The following PGBD2 variants were observed in gnomAD, a reference collection of about 807,000 sequenced individuals.
PGBD2 encodes piggyBac transposable element derived 2.
Under a neutral mutation model 8.1 loss-of-function variants are expected in PGBD2, and 6 were observed. The observed-to-expected ratio is 0.74, with a 90% CI of 0.40 to 1.46. The LOEUF (loss-of-function observed/expected upper bound fraction) is 1.46, where lower values mean the gene tolerates loss of function less well. Among genes scored for constraint, PGBD2 ranks in the 40% most tolerant of loss-of-function variants. The pLI, the probability that PGBD2 is intolerant of heterozygous loss-of-function variation, is 0.02. For missense variants in PGBD2, 802 were observed against 739.0 expected (o/e 1.09, Z -0.99); for synonymous variants, 318 against 272.2 (o/e 1.17, Z -1.66).
intron 2 of PGBD2, chr1:248,914,426 C>A: frequency 8.0e-7 from 1 of 1,251,300 alleles, no homozygotes; most frequent in South Asian, 1.3e-5. Flanking sequence ...GTCTCTTTTT[C>A]TGGCCCATGC....
chr1:248,878,245 T>G, the PGBD2 span, among the ~76,000 whole-genome samples: 1 of 151,738 alleles, frequency 6.6e-6, no homozygotes, highest in African/African-American at 2.4e-5. Context: ...AGGGGCGCAA[T>G]CTCGGCTCAC....
In PGBD2 at chr1:248,918,760, T is replaced by G. The variant is rs1468218234; in HGVS notation, c.*397T>G. 2 of 167,116 alleles carry G rather than the reference T, an allele frequency of 1.2e-5. No individual in the cohort carries two copies. The highest frequency in any genetic ancestry group is 4.8e-5 in the African/African-American group (2 of 41,460). The allele number at this position is 167,116 out of a possible 1,614,324, so 10.4% of individuals were successfully genotyped here. On this transcript the variant is annotated 3_prime_UTR_variant, in exon 3 of 3. Coordinates refer to ENST00000329291, the MANE Select transcript of PGBD2 (RefSeq NM_170725.3). Reference sequence around the variant, plus strand: ...GATAGGCAATAGTGTATAAATATCATGTAAATGTGATGGATTTCTTAATCA... The same window carrying G: ...GATAGGCAATAGTGTATAAATATCAGGTAAATGTGATGGATTTCTTAATCA...
intron 1 of PGBD2, among the ~76,000 whole-genome samples, chr1:248,908,825 C>T (rs1661759092): frequency 6.6e-6 from 1 of 152,048 alleles, no homozygotes; most frequent in Admixed American, 6.6e-5. Flanking sequence ...TTTGCTTCTC[C>T]TGTGCTGTGC....
At chr1:248,913,054 G>T (rs920289288) in intron 1 of PGBD2, among the ~76,000 whole-genome samples, 1 of 151,938 alleles carries the variant, frequency 6.6e-6, no homozygotes, top group Admixed American at 6.6e-5. Context: ...TGCCCGCCTC[G>T]GCCTCCCAAA....
At position 248,917,327 on chromosome 1, in the gene PGBD2, T is replaced by C; in HGVS notation, c.743T>C (p.Leu248Pro). ...GATAGGTTTGCCAAGGTCAGACCTC[T>C]CATCATCCGGATGAACTGCAATTTC... ...ASDRFAKVRPLIIRMNCNFQK... is the reference protein window; with the variant it reads ...ASDRFAKVRPPIIRMNCNFQK... The change falls in exon 3 of 3, where the codon CTC becomes CCC. Residue 248 changes from leucine (L) to proline (P), a missense_variant. By Grantham distance (98) the Leu-to-Pro change is moderately conservative (BLOSUM62 -3). Coordinates refer to ENST00000329291, the MANE Select transcript of PGBD2 (RefSeq NM_170725.3). 3.1e-6 allele frequency: 5 copies of C among 1,614,196 alleles called. No individual in the cohort carries two copies. Among genetic ancestry groups the C allele is most frequent in the Non-Finnish European group, 4.2e-6 (5 of 1,180,030 alleles).
At chr1:248,894,158 G>C in the PGBD2 span, among the ~76,000 whole-genome samples, 2 of 152,110 alleles carry the variant, frequency 1.3e-5, no homozygotes, top group Non-Finnish European at 2.9e-5. Context: ...CCCATCATCA[G>C]ATATGTTCTT....
chr1:248,890,208 G>GA, the PGBD2 span, among the ~76,000 whole-genome samples: 1 of 152,098 alleles, frequency 6.6e-6, no homozygotes, highest in Non-Finnish European at 1.5e-5. Flanking sequence ...TTACAGGCGT[G>GA]AGTCTCTGCA....
chr1:248,874,110 G>A, the PGBD2 span, among the ~76,000 whole-genome samples: 1 of 152,190 alleles, frequency 6.6e-6, no homozygotes. Context: ...CAGCAAGGGG[G>A]CTACCTACCA....
intron 1 of PGBD2, among the ~76,000 whole-genome samples, chr1:248,908,966 G>A (rs1334476548): frequency 6.6e-6 from 1 of 152,074 alleles, no homozygotes; most frequent in Non-Finnish European, 1.5e-5. Context: ...CGTTTTACGG[G>A]TTTTGATAAA....
upstream of PGBD2, among the ~76,000 whole-genome samples, chr1:248,903,686 T>C (rs1453728087): frequency 6.6e-6 from 1 of 152,254 alleles, no homozygotes; most frequent in Non-Finnish European, 1.5e-5. Flanking sequence ...ATTTGGCATC[T>C]GGTTCTTTCT....
At chr1:248,912,030 C>T (rs908460869) in intron 1 of PGBD2, among the ~76,000 whole-genome samples, 6 of 152,110 alleles carry the variant, frequency 3.9e-5, no homozygotes, top group African/African-American at 1.2e-4. Flanking sequence ...GAGAAGTTAA[C>T]TTGAATCAGC....
chr1:248,923,851 GT>G (rs1248892198), downstream of PGBD2, among the ~76,000 whole-genome samples: 1 of 152,190 alleles, frequency 6.6e-6, no homozygotes, highest in South Asian at 2.1e-4. Flanking sequence ...TCTGGCTGGA[GT>G]TACTTGGCTG....
the PGBD2 span, among the ~76,000 whole-genome samples, chr1:248,895,739 G>A: frequency 6.6e-6 from 1 of 152,014 alleles, no homozygotes; most frequent in Non-Finnish European, 1.5e-5. Flanking sequence ...CCAGGCTGGA[G>A]TGCAGTGGCG....
At chr1:248,927,085 C>G in the PGBD2 span, among the ~76,000 whole-genome samples, 3 of 152,144 alleles carry the variant, frequency 2.0e-5, no homozygotes, top group South Asian at 6.2e-4. Flanking sequence ...AATGCTGTAG[C>G]TGACACACAA....
At chr1:248,921,952 G>T (rs113980034), downstream of PGBD2, among the ~76,000 whole-genome samples, 1 of 152,122 alleles carries the variant, frequency 6.6e-6, no homozygotes, top group South Asian at 2.1e-4. Flanking sequence ...TGGTGTATAG[G>T]AATGCTTGTG....
rs147791597 is a variant in PGBD2, at chr1:248,917,317, G to C, written c.733G>C (p.Val245Leu). The C allele has an allele frequency of 1.8e-4, 289 of 1,614,058 alleles. 1 individual carries two copies. Among genetic ancestry groups the C allele is most frequent in the Non-Finnish European group, 2.4e-4 (281 of 1,180,042 alleles). ...TGATGCAAGTGATAGGTTTGCCAAGGTCAGACCTCTCATCATCCGGATGAA... is the reference window on the plus strand; with the variant it reads ...TGATGCAAGTGATAGGTTTGCCAAGCTCAGACCTCTCATCATCCGGATGAA... ...ELDASDRFAK[V>L]RPLIIRMNCN... Residue 245 changes from valine to leucine, a missense_variant, in exon 3 of 3, where the codon GTC becomes CTC. Coordinates refer to ENST00000329291, the MANE Select transcript of PGBD2 (RefSeq NM_170725.3).
chr1:248,903,084 A>G (rs1341019104), upstream of PGBD2, among the ~76,000 whole-genome samples: 1 of 152,124 alleles, frequency 6.6e-6, no homozygotes, highest in Non-Finnish European at 1.5e-5. Flanking sequence ...GCTGGTCTCA[A>G]ACTTCTGTGC....
At chr1:248,929,246 T>C in the PGBD2 span, among the ~76,000 whole-genome samples, 7 of 152,156 alleles carry the variant, frequency 4.6e-5, no homozygotes, top group African/African-American at 1.7e-4. Context: ...TCTCAAAACA[T>C]CTGCTTTTAT....
At chr1:248,924,147 C>T (rs909248120), downstream of PGBD2, among the ~76,000 whole-genome samples, 2 of 152,214 alleles carry the variant, frequency 1.3e-5, no homozygotes, top group African/African-American at 4.8e-5. Context: ...TCTGCAGTGG[C>T]ATTGTCTCCT....
Sources: allele counts gnomAD v4.1 joint callset (sites outside exome capture counted in the v4.1 genomes callset), GRCh38; gene constraint gnomAD v4.1.1; transcripts MANE v1.5; gene names NCBI Gene and HGNC (gene_info 2026-07-23, HGNC 2026-07-21).